RCAN2: variants seen among roughly 807,000 people sequenced by gnomAD.
RCAN2 encodes calcipressin-2.
In RCAN2, 9 loss-of-function variants were observed where a neutral mutation model predicts 23.6. The ratio of observed to expected loss-of-function variants is 0.38; its 90% CI spans 0.23 to 0.67. The LOEUF (loss-of-function observed/expected upper bound fraction) is 0.67, where lower values mean the gene tolerates loss of function less well. Ranked by LOEUF, RCAN2 falls within the 30% of genes least tolerant of loss-of-function variation. The pLI is 0.51. For synonymous variants in RCAN2, 109 were observed against 115.7 expected (o/e 0.94, Z 0.37); for missense variants, 273 against 302.3 (o/e 0.90, Z 0.72).
intron 2 of RCAN2, among the ~76,000 whole-genome samples, chr6:46,364,248 T>C (rs1399098528): frequency 6.6e-6 from 1 of 152,152 alleles, no homozygotes; most frequent in Non-Finnish European, 1.5e-5. Flanking sequence ...AACAAAGGTA[T>C]GACATGGGAA....
chr6:46,323,570 T>C (rs796422303), intron 2 of RCAN2, among the ~76,000 whole-genome samples: 18 of 152,266 alleles, frequency 1.2e-4, no homozygotes, highest in African/African-American at 3.9e-4. Context: ...TAATCTCTCA[T>C]AGAGAACCTA....
chr6:46,282,673 G>A lies in RCAN2; in HGVS notation c.226-33777C>T, dbSNP rs749164085. On this transcript the variant is annotated intron_variant, in intron 2 of 4. Transcript: ENST00000371374. ...ACTGATCTAGAGCTTAGGAGGAGAC[G>A]TTCATCTTTATGATTCAATGATGGC... 1.3e-4 allele frequency among the ~76,000 whole-genome samples: 20 copies of A among 152,152 alleles called. 1 individual carries two copies. Among genetic ancestry groups the A allele is most frequent in the Admixed American group, 6.5e-4 (10 of 15,272 alleles).
chr6:46,435,755 G>A (rs552744533), intron 2 of RCAN2, among the ~76,000 whole-genome samples: 1 of 152,340 alleles, frequency 6.6e-6, no homozygotes, highest in South Asian at 2.1e-4. Context: ...AAAACAGGAA[G>A]GCAAAACTGA....
chr6:46,420,831 G>A (rs1766865687), intron 2 of RCAN2, among the ~76,000 whole-genome samples: 1 of 152,092 alleles, frequency 6.6e-6, no homozygotes, highest in Admixed American at 6.5e-5. Context: ...ACAGACATGA[G>A]CCACTGCACC....
At chr6:46,293,696 T>C (rs902500698) in intron 2 of RCAN2, among the ~76,000 whole-genome samples, 1 of 152,130 alleles carries the variant, frequency 6.6e-6, no homozygotes, top group Non-Finnish European at 1.5e-5. Flanking sequence ...CTGCCCTTTT[T>C]ATGAGGAAAG....
At chr6:46,377,134 C>T (rs188133290) in intron 2 of RCAN2, among the ~76,000 whole-genome samples, 52 of 152,214 alleles carry the variant, frequency 3.4e-4, no homozygotes, top group African/African-American at 1.1e-3. Flanking sequence ...ATGGTTATGC[C>T]GGGGTGGTGG....
At chr6:46,303,625 C>T (rs942154527) in intron 2 of RCAN2, among the ~76,000 whole-genome samples, 1 of 152,048 alleles carries the variant, frequency 6.6e-6, no homozygotes, top group Non-Finnish European at 1.5e-5. Flanking sequence ...TTAGAAGGCT[C>T]GTTTCTGCCC....
At chr6:46,312,384 C>T (rs144238908) in intron 2 of RCAN2, among the ~76,000 whole-genome samples, 335 of 152,218 alleles carry the variant, frequency 2.2e-3, no homozygotes, top group African/African-American at 7.5e-3. Context: ...TTTCCACTTA[C>T]GAGTTTTTAG....
intron 2 of RCAN2, among the ~76,000 whole-genome samples, chr6:46,431,745 G>C (rs1561903180): frequency 6.6e-6 from 1 of 152,128 alleles, no homozygotes; most frequent in African/African-American, 2.4e-5. Flanking sequence ...AAGTTAGAAA[G>C]AAAAAAATCA....
chr6:46,338,002 T>C (rs4711849), intron 2 of RCAN2, among the ~76,000 whole-genome samples: 62,698 of 151,976 alleles, frequency 0.41, 14,697 homozygotes, highest in East Asian at 0.6. Context: ...TGGAAGGATA[T>C]GCAAGTAAAA....
At chr6:46,256,654 A>G (rs1028665806) in intron 2 of RCAN2, among the ~76,000 whole-genome samples, 1 of 152,170 alleles carries the variant, frequency 6.6e-6, no homozygotes. Flanking sequence ...TTTTCCTTAA[A>G]TCTTATTCAC....
At chr6:46,395,197 G>A (rs1422034792) in intron 2 of RCAN2, among the ~76,000 whole-genome samples, 2 of 152,202 alleles carry the variant, frequency 1.3e-5, no homozygotes, top group African/African-American at 2.4e-5. Flanking sequence ...ACTCAGGCAA[G>A]AGACATGCAT....
intron 2 of RCAN2, among the ~76,000 whole-genome samples, chr6:46,373,341 T>C (rs1400691676): frequency 1.3e-5 from 2 of 152,290 alleles, no homozygotes; most frequent in East Asian, 3.9e-4. Context: ...CTTGGCTCAC[T>C]GCAACCTCCA....
intron 2 of RCAN2, among the ~76,000 whole-genome samples, chr6:46,445,267 G>A (rs535569566): frequency 2.5e-4 from 38 of 152,162 alleles, no homozygotes; most frequent in South Asian, 1.0e-3. Context: ...CAATCAATAC[G>A]TTTATCCCAG....
At chr6:46,250,785 G>A (rs766883465) in intron 2 of RCAN2, among the ~76,000 whole-genome samples, 11 of 152,188 alleles carry the variant, frequency 7.2e-5, no homozygotes, top group Non-Finnish European at 1.3e-4. Context: ...AACATAGTGA[G>A]GTGGGGTTGT....
chr6:46,253,840 A>ATACT (rs1387827367), intron 2 of RCAN2, among the ~76,000 whole-genome samples: 2 of 152,208 alleles, frequency 1.3e-5, no homozygotes, highest in African/African-American at 4.8e-5. Flanking sequence ...AGATATACAA[A>ATACT]TACTTATGTG....
rs139833720 is a variant in RCAN2, at chr6:46,430,167, G to A, written c.225+26585C>T. Reference sequence around the variant, plus strand: ...GAAGAACAGCAAGAGAGGACCAGTCGCAGACCAAGACAGAGACAACTGCAA... The same window carrying A: ...GAAGAACAGCAAGAGAGGACCAGTCACAGACCAAGACAGAGACAACTGCAA... On this transcript the variant is annotated intron_variant, in intron 2 of 4. Coordinates refer to ENST00000371374, the MANE Select transcript of RCAN2 (RefSeq NM_001251974.2). 1.6e-3 allele frequency among the ~76,000 whole-genome samples: 242 copies of A among 152,244 alleles called. 2 individuals are homozygous for A. In the East Asian group the frequency reaches 0.036, roughly 23 times the overall value.
At chr6:46,406,855 G>C (rs1766420410) in intron 2 of RCAN2, among the ~76,000 whole-genome samples, 1 of 152,158 alleles carries the variant, frequency 6.6e-6, no homozygotes, top group Non-Finnish European at 1.5e-5. Flanking sequence ...AACTTAGACA[G>C]GTAGCAGATA....
At chr6:46,243,822 A>AC (rs1766406367) in intron 4 of RCAN2, among the ~76,000 whole-genome samples, 2 of 150,848 alleles carry the variant, frequency 1.3e-5, no homozygotes, top group African/African-American at 4.9e-5. Context: ...AAAAAAAAAA[A>AC]AAAAAAAAAA....
Sources: allele counts gnomAD v4.1 joint callset (sites outside exome capture counted in the v4.1 genomes callset), GRCh38; gene constraint gnomAD v4.1.1; transcripts MANE v1.5; gene names NCBI Gene and HGNC (gene_info 2026-07-23, HGNC 2026-07-21).